UPP2: variants seen among roughly 807,000 people sequenced by gnomAD.
The protein encoded by UPP2 is UPase 2.
UPP2 carries 23 observed loss-of-function variants against 26.7 expected under a neutral mutation model. The ratio of observed to expected loss-of-function variants is 0.86; its 90% CI spans 0.62 to 1.22. The LOEUF is 1.22. UPP2 is among the 50% of genes most tolerant of loss of function. The pLI, the probability that UPP2 is intolerant of heterozygous loss-of-function variation, is 0.00. For missense variants in UPP2, 387 were observed against 396.7 expected (o/e 0.98, Z 0.21); for synonymous variants, 127 against 141.3 (o/e 0.90, Z 0.72).
chr2:158,098,927 G>A (rs1683029267), upstream of UPP2, among the ~76,000 whole-genome samples: 2 of 152,072 alleles, frequency 1.3e-5, no homozygotes, highest in African/African-American at 4.8e-5. Flanking sequence ...ATAAAAAATT[G>A]TACACTCTTA....
At chr2:158,065,529 T>C in intron 3 of UPP2, 1 of 455,598 alleles carries the variant, frequency 2.2e-6, no homozygotes. Context: ...ATTGAGTGTC[T>C]TTTAACTAAA....
At chr2:158,089,927 T>C (rs1349607037) in intron 3 of UPP2, among the ~76,000 whole-genome samples, 1 of 152,186 alleles carries the variant, frequency 6.6e-6, no homozygotes, top group Non-Finnish European at 1.5e-5. Flanking sequence ...GTTTCTGCAG[T>C]AGTTCTTGAA....
At chr2:158,072,011 A>G (rs1682550394) in intron 3 of UPP2, among the ~76,000 whole-genome samples, 1 of 152,172 alleles carries the variant, frequency 6.6e-6, no homozygotes, top group Non-Finnish European at 1.5e-5. Flanking sequence ...AGAGTAGAAT[A>G]TCAGGTGGGC....
At chr2:158,042,313 A>T (rs1340897877) in intron 3 of UPP2, among the ~76,000 whole-genome samples, 2 of 152,132 alleles carry the variant, frequency 1.3e-5, no homozygotes, top group Admixed American at 1.3e-4. Flanking sequence ...AGGGAAGAAC[A>T]ACCCCCCTCG....
chr2:158,061,710 T>A (rs576073931), intron 3 of UPP2, among the ~76,000 whole-genome samples: 2 of 152,330 alleles, frequency 1.3e-5, no homozygotes, highest in African/African-American at 4.8e-5. Context: ...TTGGGGTTGG[T>A]CTTTTGAATT....
At chr2:158,093,212 C>T (rs76418616) in intron 3 of UPP2, among the ~76,000 whole-genome samples, 8,407 of 151,390 alleles carry the variant, frequency 0.056, 358 homozygotes, top group East Asian at 0.14. Flanking sequence ...TGAGCCATTG[C>T]GCCCAGCACA....
intron 3 of UPP2, among the ~76,000 whole-genome samples, chr2:158,070,959 T>C (rs1208972749): frequency 2.0e-5 from 3 of 152,194 alleles, no homozygotes; most frequent in Non-Finnish European, 4.4e-5. Flanking sequence ...AGCCATTGCC[T>C]GCCCACAGAG....
At chr2:158,104,450 C>A (rs551658021) in intron 1 of UPP2, among the ~76,000 whole-genome samples, 135 of 152,282 alleles carry the variant, frequency 8.9e-4, no homozygotes, top group African/African-American at 3.1e-3. Flanking sequence ...TACTTAAAAT[C>A]TTTAGATTTA....
At chr2:158,080,957 A>C (rs1682715349) in intron 3 of UPP2, among the ~76,000 whole-genome samples, 4 of 152,204 alleles carry the variant, frequency 2.6e-5, no homozygotes, top group South Asian at 2.1e-4. Context: ...ATTCATTTAA[A>C]GGCATTTATT....
chr2:158,008,208 C>A (rs958704462), intron 2 of UPP2, among the ~76,000 whole-genome samples: 9 of 152,188 alleles, frequency 5.9e-5, no homozygotes, highest in African/African-American at 1.2e-4. Flanking sequence ...TAAATATATT[C>A]GTTCATGAAA....
intron 6 of UPP2, among the ~76,000 whole-genome samples, chr2:158,125,382 T>C (rs1298221488): frequency 6.6e-6 from 1 of 152,000 alleles, no homozygotes; most frequent in Non-Finnish European, 1.5e-5. Flanking sequence ...AAATTATTGG[T>C]AAAAACGTGG....
chr2:158,109,203 C>T (rs1295392283), intron 2 of UPP2, among the ~76,000 whole-genome samples: 4 of 152,008 alleles, frequency 2.6e-5, no homozygotes, highest in Admixed American at 2.6e-4. Flanking sequence ...CTTGTCTTCA[C>T]AGAGATGATA....
intron 3 of UPP2, among the ~76,000 whole-genome samples, chr2:158,051,779 T>TCAACAACAACAA (rs57339979): frequency 0.11 from 16,654 of 150,316 alleles, 1,045 homozygotes; most frequent in Admixed American, 0.19. Context: ...AGACTCCACC[T>TCAACAACAACAA]CAACAACAAC....
At chr2:158,011,237 G>A (rs1324184698) in intron 2 of UPP2, among the ~76,000 whole-genome samples, 3 of 152,186 alleles carry the variant, frequency 2.0e-5, no homozygotes, top group South Asian at 2.1e-4. Flanking sequence ...AGAAGAATGC[G>A]AAGGTAATGA....
chr2:158,102,298 T>C (rs555007610), intron 1 of UPP2, among the ~76,000 whole-genome samples, 173 bp downstream of exon 1: 7 of 152,292 alleles, frequency 4.6e-5, no homozygotes, highest in African/African-American at 1.4e-4. Flanking sequence ...GTATTTTCAA[T>C]GACATTTTTA....
intron 3 of UPP2, among the ~76,000 whole-genome samples, chr2:158,039,210 A>C (rs1684049824): frequency 6.6e-6 from 1 of 152,118 alleles, no homozygotes; most frequent in Non-Finnish European, 1.5e-5. Flanking sequence ...TTAATTAGTA[A>C]TGGGCTCTAA....
At position 158,085,423 on chromosome 2, in the gene UPP2, G is replaced by A. The variant is rs1174334020; in HGVS notation, c.148-16617G>A. Among the ~76,000 whole-genome samples, 3 of 151,934 alleles carry A rather than the reference G, an allele frequency of 2.0e-5. No homozygotes were observed. In the East Asian group the frequency reaches 5.8e-4, roughly 29 times the overall value. ...TTGGAGGAGTCTTTAGGGTTTTCTA[G>A]GTATACAATCATATCATCAGCAAAC... is the stretch of plus-strand genomic sequence containing the variant. On this transcript the variant is annotated intron_variant, in intron 3 of 9. Transcript: ENST00000605860.
chr2:158,063,908 C>T lies in UPP2; in HGVS notation c.148-38132C>T, dbSNP rs186592115. Among the ~76,000 whole-genome samples, 14 of 152,252 alleles carry T rather than the reference C, an allele frequency of 9.2e-5. No homozygotes were observed. The East Asian group carries it at 9.7e-4, about 11-fold the overall frequency. ...GATGGTTTCCAGCTTCATCTTTGTC[C>T]CTGCAAAGGACATAAACTCATTCTT... On this transcript the variant is annotated intron_variant, in intron 3 of 9. Transcript: ENST00000605860.
chr2:157,999,968 G>A (rs1186231129), intron 2 of UPP2, among the ~76,000 whole-genome samples: 1 of 151,542 alleles, frequency 6.6e-6, no homozygotes, highest in African/African-American at 2.4e-5. Context: ...AGAGAGAGAG[G>A]GAGAAATGTC....
Sources: allele counts gnomAD v4.1 joint callset (sites outside exome capture counted in the v4.1 genomes callset), GRCh38; gene constraint gnomAD v4.1.1; transcripts MANE v1.5; gene names NCBI Gene and HGNC (gene_info 2026-07-23, HGNC 2026-07-21).